Variants in TEX11 observed in about 807,000 individuals in gnomAD.
TEX11 encodes the protein testis expressed 11, also known as testis-expressed protein 11.
In TEX11, 7 loss-of-function variants were observed where a neutral mutation model predicts 84.4. That is an observed-to-expected ratio of 0.08 (90% CI 0.05 to 0.16). The LOEUF is 0.16. TEX11 is among the 10% of genes least tolerant of loss of function. TEX11 has a pLI of 1.00. For synonymous variants in TEX11, 264 were observed against 222.8 expected, an observed-to-expected ratio of 1.18 and a Z score of -1.64; for missense variants, 551 against 660.5, an observed-to-expected ratio of 0.83 and a Z score of 1.82.
chrX:70,582,448 T>G (rs182174607), intron 25 of TEX11, among the ~76,000 whole-genome samples: 1 of 111,731 alleles, frequency 9.0e-6, no homozygotes, highest in East Asian at 2.8e-4. Context: ...TGTAGCAACC[T>G]TATCTAAATT....
At chrX:70,637,464 G>T (rs753058226) in intron 17 of TEX11, among the ~76,000 whole-genome samples, 3 of 112,310 alleles carry the variant, frequency 2.7e-5, no homozygotes, top group Non-Finnish European at 5.6e-5. Context: ...TAATGCACAC[G>T]TATGTTCATT....
At chrX:70,691,147 T>C (rs1411884414) in intron 13 of TEX11, among the ~76,000 whole-genome samples, 5 of 111,884 alleles carry the variant, frequency 4.5e-5, no homozygotes, top group Non-Finnish European at 7.5e-5. Context: ...ATGGCTATTG[T>C]GAAAAAGTCA....
At chrX:70,715,896 T>C (rs964671870) in intron 13 of TEX11, among the ~76,000 whole-genome samples, 13 of 111,605 alleles carry the variant, frequency 1.2e-4, no homozygotes, top group African/African-American at 4.2e-4. Flanking sequence ...GTTTTTCTGC[T>C]CTGTTTTTTC....
At chrX:70,885,223 T>G (rs750519603) in intron 2 of TEX11, among the ~76,000 whole-genome samples, 1 of 110,445 alleles carries the variant, frequency 9.1e-6, no homozygotes, top group East Asian at 2.9e-4. Context: ...ATGAGAGAGG[T>G]GCCTTAACAC....
At chrX:70,703,718 A>G (rs1021361544) in intron 13 of TEX11, among the ~76,000 whole-genome samples, 1 of 111,610 alleles carries the variant, frequency 9.0e-6, no homozygotes, top group Non-Finnish European at 1.9e-5. Context: ...AATTCCTAAC[A>G]TCTCATTTAT....
chrX:70,578,930 C>G (rs1289398548), intron 25 of TEX11, among the ~76,000 whole-genome samples: 1 of 107,529 alleles, frequency 9.3e-6, no homozygotes, highest in Non-Finnish European at 1.9e-5. Flanking sequence ...ACCACCACAC[C>G]CAGCTAATTT....
chrX:70,857,722 A>T (rs971285634), intron 5 of TEX11, among the ~76,000 whole-genome samples: 1 of 112,098 alleles, frequency 8.9e-6, no homozygotes, highest in African/African-American at 3.2e-5. Flanking sequence ...CAAAGTTCAG[A>T]TAGCGAATCT....
intron 13 of TEX11, among the ~76,000 whole-genome samples, chrX:70,711,730 T>G (rs1354393140): frequency 9.0e-6 from 1 of 111,453 alleles, no homozygotes; most frequent in Non-Finnish European, 1.9e-5. Flanking sequence ...TTTCTCCCAT[T>G]TTGTAGGTTG....
At chrX:70,617,241 A>C (rs1191910191) in intron 20 of TEX11, among the ~76,000 whole-genome samples, 1 of 109,290 alleles carries the variant, frequency 9.1e-6, no homozygotes, top group African/African-American at 3.3e-5. Context: ...CCTTGTAAGA[A>C]ATGTTAAAAG....
intron 11 of TEX11, among the ~76,000 whole-genome samples, chrX:70,730,237 G>A (rs2090635407): frequency 8.9e-6 from 1 of 111,896 alleles, no homozygotes; most frequent in African/African-American, 3.3e-5. Context: ...AGGCTGAACT[G>A]CATCAACTAA....
At chrX:70,566,045 G>A (rs1179016758) in intron 25 of TEX11, among the ~76,000 whole-genome samples, 4 of 108,570 alleles carry the variant, frequency 3.7e-5, no homozygotes, top group Admixed American at 9.8e-5. Flanking sequence ...AGCATGGAAT[G>A]TTCTTCCATT....
At chrX:70,696,998 C>A (rs2090286381) in intron 13 of TEX11, among the ~76,000 whole-genome samples, 1 of 111,306 alleles carries the variant, frequency 9.0e-6, no homozygotes, top group African/African-American at 3.3e-5. Flanking sequence ...GCTGAGGTCC[C>A]ATTTCCTTGC....
chrX:70,697,655 C>T (rs749931808), intron 13 of TEX11, among the ~76,000 whole-genome samples: 1 of 111,982 alleles, frequency 8.9e-6, no homozygotes, highest in Non-Finnish European at 1.9e-5. Flanking sequence ...ATTCCACAGA[C>T]ATACAGCTCA....
At chrX:70,837,286 C>T (rs1005136668) in intron 7 of TEX11, among the ~76,000 whole-genome samples, 20 of 111,211 alleles carry the variant, frequency 1.8e-4, no homozygotes, top group African/African-American at 6.5e-4. Flanking sequence ...GGGCTTGGCA[C>T]GTTGACTCAT....
chrX:70,636,105 A>G (rs1294144553), intron 17 of TEX11, among the ~76,000 whole-genome samples: 2 of 110,444 alleles, frequency 1.8e-5, no homozygotes, highest in African/African-American at 6.6e-5. Context: ...GACCCAGGTC[A>G]GACCTCACAG....
chrX:70,743,596 C>A (rs2090747477), intron 10 of TEX11, among the ~76,000 whole-genome samples: 1 of 111,188 alleles, frequency 9.0e-6, no homozygotes, highest in African/African-American at 3.3e-5. Flanking sequence ...TAAAACTAGG[C>A]CAGGCACGGT....
intron 8 of TEX11, among the ~76,000 whole-genome samples, chrX:70,807,065 A>C (rs1310238326): frequency 7.1e-5 from 8 of 112,719 alleles, no homozygotes; most frequent in Non-Finnish European, 1.5e-4. Flanking sequence ...GTATTACAAT[A>C]AATTACTAAT....
intron 9 of TEX11, among the ~76,000 whole-genome samples, chrX:70,760,789 C>T (rs182497981): frequency 3.6e-5 from 4 of 111,388 alleles, no homozygotes; most frequent in East Asian, 2.8e-4. Context: ...AGCTTCTGCA[C>T]GGCAGAAGAT....
chrX:70,566,568 A>G (rs935916434), intron 25 of TEX11, among the ~76,000 whole-genome samples: 15 of 111,108 alleles, frequency 1.4e-4, no homozygotes, highest in Admixed American at 2.9e-4. Flanking sequence ...ATTATTTTGA[A>G]ATACATCCCA....
Sources: allele counts gnomAD v4.1 joint callset (sites outside exome capture counted in the v4.1 genomes callset), GRCh38; gene constraint gnomAD v4.1.1; transcripts MANE v1.5; gene names NCBI Gene and HGNC (gene_info 2026-07-23, HGNC 2026-07-21).